ITPR2: variants seen among roughly 807,000 people sequenced by gnomAD.
ITPR2 encodes the protein inositol 1,4,5-trisphosphate-gated calcium channel ITPR2.
In ITPR2, 207 loss-of-function variants were observed where a neutral mutation model predicts 317.1. The ratio of observed to expected loss-of-function variants is 0.65; its 90% CI spans 0.58 to 0.73. ITPR2 has a LOEUF of 0.73. Ranked by LOEUF, ITPR2 falls within the 30% of genes least tolerant of loss-of-function variation. ITPR2 has a pLI of 0.00. For synonymous variants in ITPR2, 1,156 were observed against 1,149.1 expected, an observed-to-expected ratio of 1.01 and a Z score of -0.12; for missense variants, 2,613 against 3,284.0, an observed-to-expected ratio of 0.80 and a Z score of 4.99.
chr12:26,624,317 T>C lies in ITPR2; in HGVS notation c.3104A>G (p.Glu1035Gly). The change falls in exon 24 of 57, where the codon GAA becomes GGA. Residue 1035 changes from glutamate (E) to glycine (G), a missense_variant. Around this residue, in one of 9 missense-constraint regions of ITPR2, gnomAD observed 817 missense variants for 897.6 expected, o/e 0.91. Transcript: ENST00000381340. The stretch of plus-strand genomic sequence containing the variant: ...ACTATACCTTCCCGCAAACATAGTT[T>C]CTGCCTGAGCTGCAATTTCATCTAT... ...PDIDEIAAQAETMFAGRKEKN... is the reference protein window; with the variant it reads ...PDIDEIAAQAGTMFAGRKEKN... 1 of 1,609,190 alleles carries C rather than the reference T, an allele frequency of 6.2e-7. No homozygotes were observed. The highest frequency in any genetic ancestry group is 2.2e-5 in the East Asian group (1 of 44,760).
chr12:26,567,943 ATATATATTATATATATATATATATAT>A (rs1565609246), intron 34 of ITPR2, among the ~76,000 whole-genome samples: 4 of 32,134 alleles, frequency 1.2e-4, no homozygotes, highest in African/African-American at 3.1e-4. Flanking sequence ...TCTGGTATAT[ATATATATTATATATATATATATATAT>A]TATATATATT....
At chr12:26,565,363 T>C (rs1022956289) in intron 34 of ITPR2, among the ~76,000 whole-genome samples, 5 of 152,126 alleles carry the variant, frequency 3.3e-5, no homozygotes, top group African/African-American at 1.2e-4. Context: ...TCCTAAATGG[T>C]TATAGCAGAA....
At chr12:26,670,147 A>G (rs981490407) in intron 13 of ITPR2, among the ~76,000 whole-genome samples, 1 of 152,178 alleles carries the variant, frequency 6.6e-6, no homozygotes, top group Non-Finnish European at 1.5e-5. Context: ...AGACAGCAGT[A>G]ACCTCTGCAG....
At chr12:26,578,669 C>A (rs1323813643) in intron 34 of ITPR2, 44 bp downstream of exon 34, 1 of 1,541,696 alleles carries the variant, frequency 6.5e-7, no homozygotes, top group East Asian at 2.3e-5. Context: ...AACCTAATTT[C>A]TTCAAGAAAT....
intron 24 of ITPR2, 120 bp downstream of exon 24, chr12:26,624,179 T>A (rs1946564193): frequency 1.5e-6 from 1 of 666,922 alleles, no homozygotes; most frequent in African/African-American, 1.9e-5. Context: ...GAAATTATGT[T>A]AGCAACAATA....
intron 10 of ITPR2, among the ~76,000 whole-genome samples, chr12:26,688,736 C>G (rs1421632276): frequency 6.6e-6 from 1 of 152,154 alleles, no homozygotes; most frequent in East Asian, 1.9e-4. Context: ...ATGAGTCACT[C>G]CTCTAAGAGT....
intron 1 of ITPR2, among the ~76,000 whole-genome samples, chr12:26,797,677 A>C (rs1950473669): frequency 7.5e-6 from 1 of 133,526 alleles, no homozygotes; most frequent in Non-Finnish European, 1.6e-5. Flanking sequence ...GCATCATGGA[A>C]TTGTCTTTTT....
At chr12:26,366,662 C>T (rs761684837) in intron 55 of ITPR2, among the ~76,000 whole-genome samples, 1 of 152,140 alleles carries the variant, frequency 6.6e-6, no homozygotes, top group Non-Finnish European at 1.5e-5. Flanking sequence ...CCCCCTTGAT[C>T]TGGGAGGGTG....
intron 2 of ITPR2, among the ~76,000 whole-genome samples, chr12:26,778,399 A>G (rs2137171362): frequency 6.6e-6 from 1 of 152,356 alleles, no homozygotes; most frequent in East Asian, 1.9e-4. Context: ...ACAGTGGATT[A>G]TCATAAGCTT....
chr12:26,609,789 T>C (rs1201779906), intron 26 of ITPR2, among the ~76,000 whole-genome samples: 4 of 152,218 alleles, frequency 2.6e-5, no homozygotes, highest in African/African-American at 9.7e-5. Context: ...TCTGGAAGTA[T>C]AATTGTTACA....
intron 26 of ITPR2, 35 bp from the exon 27 acceptor site, chr12:26,602,741 T>C (rs1246030766): frequency 3.5e-6 from 4 of 1,147,706 alleles, no homozygotes; most frequent in East Asian, 4.8e-5. Flanking sequence ...TTTATGCCAT[T>C]TGTAGCTTTG....
chr12:26,776,399 C>T (rs959024307), intron 2 of ITPR2, among the ~76,000 whole-genome samples: 4 of 152,312 alleles, frequency 2.6e-5, no homozygotes, highest in African/African-American at 9.6e-5. Flanking sequence ...CTCAAATCTG[C>T]TAAGACTGCC....
intron 52 of ITPR2, among the ~76,000 whole-genome samples, chr12:26,405,983 A>G (rs1296917899): frequency 1.3e-5 from 2 of 152,050 alleles, no homozygotes; most frequent in African/African-American, 4.8e-5. Flanking sequence ...AAACAAAAAA[A>G]CCTCTTGCCT....
chr12:26,519,203 A>C (rs1943603273), intron 37 of ITPR2, among the ~76,000 whole-genome samples: 1 of 152,188 alleles, frequency 6.6e-6, no homozygotes, highest in African/African-American at 2.4e-5. Context: ...AAACTAACAA[A>C]TAGTAATCAA....
intron 37 of ITPR2, among the ~76,000 whole-genome samples, chr12:26,524,698 A>C (rs1167130212): frequency 6.6e-6 from 1 of 152,222 alleles, no homozygotes; most frequent in Non-Finnish European, 1.5e-5. Context: ...TAATCTATAC[A>C]AGGGCTGAAA....
chr12:26,585,860 ACC>A (rs1369527963), intron 32 of ITPR2, among the ~76,000 whole-genome samples: 3 of 152,220 alleles, frequency 2.0e-5, no homozygotes, highest in Admixed American at 6.5e-5. Context: ...CATACGCTGA[ACC>A]ATCACCAACA....
chr12:26,465,743 C>T (rs1942155849), intron 45 of ITPR2, among the ~76,000 whole-genome samples: 1 of 152,086 alleles, frequency 6.6e-6, no homozygotes, highest in South Asian at 2.1e-4. Flanking sequence ...GTGTCTCCCT[C>T]CTGTAATAAA....
intron 37 of ITPR2, among the ~76,000 whole-genome samples, chr12:26,546,352 AC>A (rs1944390240): frequency 6.6e-6 from 1 of 151,586 alleles, no homozygotes; most frequent in Non-Finnish European, 1.5e-5. Flanking sequence ...TCCCACTCCC[AC>A]CCTTCCCAGT....
chr12:26,552,064 G>A (rs1254985165), intron 36 of ITPR2, among the ~76,000 whole-genome samples: 5 of 152,198 alleles, frequency 3.3e-5, no homozygotes, highest in South Asian at 2.1e-4. Flanking sequence ...GAGGACGTAC[G>A]AAGCAACAGA....
Sources: allele counts gnomAD v4.1 joint callset (sites outside exome capture counted in the v4.1 genomes callset), GRCh38; gene constraint gnomAD v4.1.1; regional missense constraint gnomAD v4.1.1; transcripts MANE v1.5; gene names NCBI Gene and HGNC (gene_info 2026-07-23, HGNC 2026-07-21).